The following CNTN5 variants were observed in gnomAD, a reference collection of about 807,000 sequenced individuals.
CNTN5 encodes contactin 5.
CNTN5 carries 77 observed loss-of-function variants against 129.1 expected under a neutral mutation model. The ratio of observed to expected loss-of-function variants is 0.60; its 90% CI spans 0.50 to 0.72. The LOEUF (loss-of-function observed/expected upper bound fraction) is 0.72. CNTN5 is among the 30% of genes least tolerant of loss of function. The probability of loss-of-function intolerance (pLI) is 0.00; values close to 1 mark genes in which losing one functional copy is unlikely to be tolerated. For missense variants in CNTN5, 1,478 were observed against 1,328.8 expected (o/e 1.11, Z -1.75); for synonymous variants, 509 against 465.6 (o/e 1.09, Z -1.20).
intron 3 of CNTN5, among the ~76,000 whole-genome samples, chr11:99,623,200 G>A (rs1664068448): frequency 6.6e-6 from 1 of 151,924 alleles, no homozygotes. Context: ...ATTAGTTAGG[G>A]TCTTTTCAGC....
chr11:99,749,705 G>A lies in CNTN5; in HGVS notation c.56-69839G>A, dbSNP rs79777254. On this transcript the variant is annotated intron_variant, in intron 3 of 24. Transcript: ENST00000524871. Reference sequence around the variant, plus strand: ...AATTCCAATAGAATTTTCTCATGTGGGTTAAAAGGACAATCAGCTTATATT... The same window carrying A: ...AATTCCAATAGAATTTTCTCATGTGAGTTAAAAGGACAATCAGCTTATATT... 8.8e-3 allele frequency among the ~76,000 whole-genome samples: 1,341 copies of A among 152,138 alleles called. 9 individuals are homozygous for A. The highest frequency in any genetic ancestry group is 0.015 in the Non-Finnish European group (1,027 of 67,992).
intron 3 of CNTN5, among the ~76,000 whole-genome samples, chr11:99,711,784 T>A (rs640510): frequency 0.69 from 105,418 of 151,708 alleles, 36,723 homozygotes; most frequent in Middle Eastern, 0.79. Context: ...TTCCAGCTTT[T>A]TCCATGTCCC....
intron 2 of CNTN5, among the ~76,000 whole-genome samples, chr11:99,472,679 C>A (rs1165509682): frequency 6.6e-6 from 1 of 151,520 alleles, no homozygotes; most frequent in Non-Finnish European, 1.5e-5. Context: ...TCTTTTTTTT[C>A]TTTTCTTGAG....
At chr11:99,171,766 T>G (rs61891519) in intron 1 of CNTN5, among the ~76,000 whole-genome samples, 6,539 of 152,300 alleles carry the variant, frequency 0.043, 210 homozygotes, top group South Asian at 0.15. Context: ...CATGACACTT[T>G]TATTATTACT....
chr11:99,144,542 C>T (rs115358545), intron 1 of CNTN5, among the ~76,000 whole-genome samples: 1,859 of 152,216 alleles, frequency 0.012, 39 homozygotes, highest in African/African-American at 0.042. Flanking sequence ...GTCTCCTCTC[C>T]TCCTGGAACT....
chr11:100,146,158 C>A (rs554206340), intron 13 of CNTN5, among the ~76,000 whole-genome samples: 12 of 151,750 alleles, frequency 7.9e-5, no homozygotes, highest in Admixed American at 1.3e-4. Flanking sequence ...AGGGAAATAA[C>A]AATCAGTAAT....
chr11:99,129,114 A>G (rs116262198), intron 1 of CNTN5, among the ~76,000 whole-genome samples: 2,328 of 152,328 alleles, frequency 0.015, 67 homozygotes, highest in African/African-American at 0.052. Context: ...GGGTGAACTG[A>G]CAGAAGTAGG....
intron 4 of CNTN5, among the ~76,000 whole-genome samples, chr11:99,820,479 C>T (rs1454481937): frequency 6.6e-6 from 1 of 152,310 alleles, no homozygotes; most frequent in Non-Finnish European, 1.5e-5. Flanking sequence ...AAATTAAAGA[C>T]TGCTCTACAG....
chr11:100,164,462 A>G (rs185909089), intron 13 of CNTN5, among the ~76,000 whole-genome samples: 10 of 151,916 alleles, frequency 6.6e-5, no homozygotes, highest in African/African-American at 2.2e-4. Context: ...ATAAATAGCA[A>G]ATCAAATGGA....
chr11:99,168,205 A>C (rs1001518913), intron 1 of CNTN5, among the ~76,000 whole-genome samples: 35 of 152,120 alleles, frequency 2.3e-4, no homozygotes, highest in Non-Finnish European at 3.8e-4. Flanking sequence ...TTGCCTTCCA[A>C]AGTGCTGGAA....
chr11:99,847,388 A>G (rs1383419064), intron 6 of CNTN5, among the ~76,000 whole-genome samples: 1 of 152,206 alleles, frequency 6.6e-6, no homozygotes, highest in East Asian at 1.9e-4. Context: ...TATCTTACCT[A>G]TTTAGCATGA....
intron 9 of CNTN5, among the ~76,000 whole-genome samples, chr11:100,052,038 A>G (rs909906805): frequency 2.6e-5 from 4 of 151,922 alleles, no homozygotes; most frequent in Non-Finnish European, 5.9e-5. Context: ...AACGTGGCCA[A>G]CCAACTTGGA....
chr11:99,143,119 G>C (rs952421432), intron 1 of CNTN5, among the ~76,000 whole-genome samples: 1 of 151,656 alleles, frequency 6.6e-6, no homozygotes, highest in African/African-American at 2.4e-5. Context: ...GGCCATATTG[G>C]CTATTTCTGT....
intron 8 of CNTN5, among the ~76,000 whole-genome samples, chr11:99,973,572 C>A (rs1937723699): frequency 6.6e-6 from 1 of 152,092 alleles, no homozygotes; most frequent in Admixed American, 6.6e-5. Flanking sequence ...TAAAAATAAC[C>A]TTAAGGCTTC....
intron 2 of CNTN5, among the ~76,000 whole-genome samples, chr11:99,450,531 T>C (rs149844386): frequency 0.011 from 1,614 of 152,198 alleles, 34 homozygotes; most frequent in African/African-American, 0.036. Context: ...TAGTAGATTC[T>C]ATTTCCTTAA....
chr11:99,833,772 C>T (rs1287310204), intron 4 of CNTN5, among the ~76,000 whole-genome samples: 1 of 152,026 alleles, frequency 6.6e-6, no homozygotes, highest in Non-Finnish European at 1.5e-5. Context: ...TGTTCAAGAC[C>T]CTCTTGTAGA....
intron 13 of CNTN5, among the ~76,000 whole-genome samples, chr11:100,145,822 C>G (rs185153257): frequency 6.6e-6 from 1 of 152,056 alleles, no homozygotes; most frequent in Non-Finnish European, 1.5e-5. Context: ...CTAAATGTAG[C>G]CTGCTCACAA....
intron 9 of CNTN5, among the ~76,000 whole-genome samples, chr11:100,006,994 G>A (rs1940233436): frequency 6.6e-6 from 1 of 152,052 alleles, no homozygotes; most frequent in East Asian, 1.9e-4. Flanking sequence ...ATCTACATCA[G>A]AACTCTTGGG....
At chr11:99,549,890 A>G (rs1270924154) in intron 2 of CNTN5, among the ~76,000 whole-genome samples, 1 of 152,000 alleles carries the variant, frequency 6.6e-6, no homozygotes, top group African/African-American at 2.4e-5. Context: ...TATACTTTTG[A>G]GTAGTAAGTA....
Sources: gnomAD v4.1 joint callset for allele counts (sites outside exome capture counted in the v4.1 genomes callset) on GRCh38, gnomAD v4.1.1 for gene constraint, MANE v1.5 for transcripts, NCBI Gene and HGNC (gene_info 2026-07-23, HGNC 2026-07-21) for gene names.